Variants in CRISPLD2 observed in about 807,000 individuals in gnomAD.
CRISPLD2 encodes cysteine-rich secretory protein LCCL domain-containing 2.
Under a neutral mutation model 71.1 loss-of-function variants are expected in CRISPLD2, and 47 were observed. The observed-to-expected ratio is 0.66, with a 90% CI of 0.52 to 0.84. The LOEUF (loss-of-function observed/expected upper bound fraction) is 0.84. CRISPLD2 is among the 40% of genes least tolerant of loss of function. The probability of loss-of-function intolerance (pLI) is 0.00; values close to 1 mark genes in which losing one functional copy is unlikely to be tolerated. For synonymous variants in CRISPLD2, 317 were observed against 250.1 expected (o/e 1.27, Z -2.52); for missense variants, 830 against 651.1 (o/e 1.27, Z -2.99).
intron 13 of CRISPLD2, among the ~76,000 whole-genome samples, chr16:84,882,931 G>A (rs1214814598): frequency 6.6e-6 from 1 of 152,126 alleles, no homozygotes; most frequent in Non-Finnish European, 1.5e-5. Context: ...GATGTTACCT[G>A]CATTCATAGC....
Position 84,873,071 on chromosome 16 carries a change from G to A in CRISPLD2, c.1061G>A (p.Gly354Glu), listed in dbSNP as rs771277704. 4 of 1,614,006 alleles carry A rather than the reference G, an allele frequency of 2.5e-6. No homozygotes were observed. Among genetic ancestry groups the A allele is most frequent in the Non-Finnish European group, 3.4e-6 (4 of 1,179,976 alleles). The change falls in exon 10 of 15, where the codon GGG (glycine) becomes GAG (glutamate). Residue 354 changes from glycine (G) to glutamate (E), a missense_variant. Coordinates refer to ENST00000262424, the MANE Select transcript of CRISPLD2 (RefSeq NM_031476.4). ...KGGLVDITRN[G>E]KVPFFVKSER... ...GGCCTGGTGGATATCACCAGGAACG[G>A]GAAGGTCCCCTTCTTCGTGAAGTCT...
intron 14 of CRISPLD2, among the ~76,000 whole-genome samples, chr16:84,894,871 G>C (rs1173618277): frequency 1.3e-5 from 2 of 151,976 alleles, no homozygotes; most frequent in African/African-American, 4.8e-5. Context: ...AGACAACTCA[G>C]CACCGAGAAT....
chr16:84,854,780 G>A lies in CRISPLD2; in HGVS notation c.660G>A (p.Glu220=), dbSNP rs1388258030. ...ACAAGAATGGCCGGCCCTGCTCTGA[G>A]TGCCCACCCAGCTATGGAGGCAGCT... is the stretch of plus-strand genomic sequence containing the variant. ...APYKNGRPCS[E]CPPSYGGSCR... The change falls in exon 6 of 15, where the codon GAG becomes GAA. Residue 220 remains glutamate, a synonymous_variant. Coordinates refer to ENST00000262424, the MANE Select transcript of CRISPLD2 (RefSeq NM_031476.4). 1 of 1,614,174 alleles carries A rather than the reference G, an allele frequency of 6.2e-7. No homozygotes were observed. Among genetic ancestry groups the A allele is most frequent in the Non-Finnish European group, 8.5e-7 (1 of 1,180,030 alleles).
chr16:84,861,166 G>T (rs1169190420), intron 6 of CRISPLD2, among the ~76,000 whole-genome samples: 2 of 152,114 alleles, frequency 1.3e-5, no homozygotes, highest in Non-Finnish European at 2.9e-5. Context: ...TAGAAGTAGA[G>T]TCCTTAGCAT....
chr16:84,833,645 A>G (rs76818221), intron 1 of CRISPLD2, among the ~76,000 whole-genome samples: 7,875 of 152,258 alleles, frequency 0.052, 640 homozygotes, highest in African/African-American at 0.17. Context: ...TGCAGGGGGC[A>G]TCCATCTGCC....
intron 11 of CRISPLD2, among the ~76,000 whole-genome samples, chr16:84,874,857 A>T (rs775945482): frequency 9.9e-5 from 15 of 152,226 alleles, no homozygotes; most frequent in Non-Finnish European, 8.8e-5. Context: ...TACATATTCA[A>T]AGTATGTACA....
At chr16:84,852,724 T>C (rs1167878771) in intron 5 of CRISPLD2, among the ~76,000 whole-genome samples, 1 of 152,028 alleles carries the variant, frequency 6.6e-6, no homozygotes, top group African/African-American at 2.4e-5. Context: ...GGTGGGTGTG[T>C]ACACAGAGGG....
chr16:84,855,870 A>C (rs1182739977), intron 6 of CRISPLD2, among the ~76,000 whole-genome samples: 1 of 152,254 alleles, frequency 6.6e-6, no homozygotes, highest in Non-Finnish European at 1.5e-5. Flanking sequence ...ACAATACTTA[A>C]ATGCTGATAT....
intron 2 of CRISPLD2, chr16:84,839,873 C>T (rs1336082873): frequency 6.6e-6 from 1 of 152,328 alleles, no homozygotes; most frequent in Non-Finnish European, 1.5e-5. Context: ...CCTGTAGTCC[C>T]AGCTGCAGTG....
At chr16:84,876,085 C>T (rs958042397) in intron 11 of CRISPLD2, among the ~76,000 whole-genome samples, 8 of 152,216 alleles carry the variant, frequency 5.3e-5, no homozygotes, top group Non-Finnish European at 1.2e-4. Context: ...TTTATTGGAA[C>T]ACAGTTACAC....
At chr16:84,875,864 C>T (rs990085613) in intron 11 of CRISPLD2, among the ~76,000 whole-genome samples, 1 of 151,482 alleles carries the variant, frequency 6.6e-6, no homozygotes, top group South Asian at 2.1e-4. Context: ...TTGCACCCGG[C>T]CTGGACACCC....
At chr16:84,892,495 G>T (rs2071671498) in intron 14 of CRISPLD2, among the ~76,000 whole-genome samples, 1 of 152,114 alleles carries the variant, frequency 6.6e-6, no homozygotes, top group African/African-American at 2.4e-5. Flanking sequence ...CACATAGAGG[G>T]ATTTTCAGTG....
At chr16:84,884,395 A>G (rs2143329921) in intron 13 of CRISPLD2, among the ~76,000 whole-genome samples, 1 of 152,360 alleles carries the variant, frequency 6.6e-6, no homozygotes, top group East Asian at 1.9e-4. Flanking sequence ...GAACAAAGAC[A>G]TGTAAAGATA....
Position 84,854,826 on chromosome 16 carries a change from C to A in CRISPLD2, c.706C>A (p.Arg236=). ...CAGCTGCAGGAACAACTTGTGTTAC[C>A]GAGGTAGGAAATTTACTCCCAACAC... The part of the protein sequence containing the change: ...GGSCRNNLCY[R]EETYTPKPET... The change falls in exon 6 of 15, where the codon CGA becomes AGA. Residue 236 remains arginine, a synonymous_variant. Transcript: ENST00000262424. 2.5e-6 allele frequency: 4 copies of A among 1,612,978 alleles called. No individual in the cohort carries two copies. The South Asian group carries it at 4.4e-5, about 18-fold the overall frequency.
intron 14 of CRISPLD2, among the ~76,000 whole-genome samples, chr16:84,903,598 TAA>T (rs10557896): frequency 0.21 from 29,000 of 135,968 alleles, 4,541 homozygotes; most frequent in East Asian, 0.5. Flanking sequence ...TCTTAAAATT[TAA>T]AAAAAAAAAA....
intron 5 of CRISPLD2, among the ~76,000 whole-genome samples, chr16:84,850,926 C>T (rs1917071975): frequency 1.0e-5 from 1 of 98,176 alleles, no homozygotes; most frequent in African/African-American, 3.0e-5. Context: ...ACAGCACCAA[C>T]ATCACATCTC....
chr16:84,884,630 G>GA, intron 13 of CRISPLD2, among the ~76,000 whole-genome samples: 1 of 152,248 alleles, frequency 6.6e-6, no homozygotes, highest in African/African-American at 2.4e-5. Flanking sequence ...GAGAGGTGTG[G>GA]AGGAAGGAAG....
intron 9 of CRISPLD2, 76 bp downstream of exon 9, chr16:84,872,584 T>C: frequency 7.7e-7 from 1 of 1,296,564 alleles, no homozygotes; most frequent in South Asian, 1.3e-5. Flanking sequence ...TGGTTGGCTT[T>C]AGTAGGAAAA....
chr16:84,858,207 G>T (rs969628802), intron 6 of CRISPLD2, among the ~76,000 whole-genome samples: 6 of 152,172 alleles, frequency 3.9e-5, no homozygotes, highest in African/African-American at 1.4e-4. Context: ...CTGCTGGGTC[G>T]TATGGCCCAA....
Sources: gnomAD v4.1 joint callset for allele counts (sites outside exome capture counted in the v4.1 genomes callset) on GRCh38, gnomAD v4.1.1 for gene constraint, MANE v1.5 for transcripts, NCBI Gene and HGNC (gene_info 2026-07-23, HGNC 2026-07-21) for gene names.